RNF34: variants seen among roughly 807,000 people sequenced by gnomAD.
RNF34 encodes the protein ring finger protein 34, also known as E3 ubiquitin-protein ligase RNF34.
In RNF34, 12 loss-of-function variants were observed where a neutral mutation model predicts 37.9. The observed-to-expected ratio is 0.32, with a 90% CI of 0.20 to 0.51. The LOEUF (loss-of-function observed/expected upper bound fraction) is 0.51. Ranked by LOEUF, RNF34 falls within the 20% of genes least tolerant of loss-of-function variation. The pLI is 0.97. For synonymous variants in RNF34, 155 were observed against 177.2 expected (o/e 0.87, Z 1.00); for missense variants, 362 against 472.7 (o/e 0.77, Z 2.17).
Position 121,420,579 on chromosome 12 carries a change from C to A in RNF34, c.729C>A (p.Asn243Lys), listed in dbSNP as rs1555283140. The change falls in exon 5 of 6, where the codon AAC becomes AAA. Residue 243 changes from asparagine to lysine, a missense_variant and splice_region_variant. Physicochemically the swap from Asn to Lys is moderately conservative, Grantham distance 94. Coordinates refer to ENST00000361234, the MANE Select transcript of RNF34 (RefSeq NM_025126.4). ...TAATGGATGCTCTGTGGTTTCAGAA[C>A]CCCGGGCTCTCCAAGGAGAGAGTGA... ...DDEEENAEDRNPGLSKERVRA... is the reference protein window; with the variant it reads ...DDEEENAEDRKPGLSKERVRA... 1.2e-6 allele frequency: 2 copies of A among 1,613,972 alleles called. No homozygotes were observed. Among genetic ancestry groups the A allele is most frequent in the South Asian group, 1.1e-5 (1 of 91,074 alleles).
chr12:121,409,829 C>G (rs1870876803), intron 1 of RNF34: 1 of 152,238 alleles, frequency 6.6e-6, no homozygotes, highest in South Asian at 2.1e-4. Context: ...GTGGGTGTTA[C>G]CTGGCACTTC....
At chr12:121,415,556 C>A (rs1385420092) in intron 1 of RNF34, among the ~76,000 whole-genome samples, 1 of 152,184 alleles carries the variant, frequency 6.6e-6, no homozygotes, top group East Asian at 1.9e-4. Flanking sequence ...GTGGAGGTTG[C>A]AGTGAGCCGA....
chr12:121,411,567 T>C (rs1871064151), intron 1 of RNF34, among the ~76,000 whole-genome samples: 1 of 152,208 alleles, frequency 6.6e-6, no homozygotes, highest in Admixed American at 6.5e-5. Context: ...AGTGCTGCTT[T>C]TAAAAAGGGG....
rs782642706 is a variant in RNF34 at position 121,420,609 on chromosome 12, T to G, written c.759T>G (p.Ala253=). 1.9e-6 allele frequency: 3 copies of G among 1,614,140 alleles called. No homozygotes were observed. Among genetic ancestry groups the G allele is most frequent in the Admixed American group, 1.7e-5 (1 of 60,004 alleles). The change falls in exon 5 of 6, where the codon GCT becomes GCG. Residue 253 remains alanine, a synonymous_variant. Transcript: ENST00000361234. The part of the protein sequence containing the change: ...NPGLSKERVR[A]SLSDLSSLDD... ...GGCTCTCCAAGGAGAGAGTGAGAGC[T>G]TCACTGTCTGACTTGTCAAGCCTTG...
At chr12:121,421,946 T>G (rs781828156) in intron 5 of RNF34, among the ~76,000 whole-genome samples, 2 of 152,184 alleles carry the variant, frequency 1.3e-5, no homozygotes, top group Non-Finnish European at 2.9e-5. Flanking sequence ...ATGCACAAAA[T>G]ATTTTGGCAA....
At chr12:121,418,926 C>G (rs57222350) in intron 3 of RNF34, among the ~76,000 whole-genome samples, 1 of 152,140 alleles carries the variant, frequency 6.6e-6, no homozygotes. Flanking sequence ...AGGCTGGTCT[C>G]GAATACCTGA....
Position 121,423,879 on chromosome 12 carries a change from A to G in RNF34, c.*303A>G. 3.2e-6 allele frequency: 1 copy of G among 308,250 alleles called. No individual in the cohort carries two copies. The highest frequency in any genetic ancestry group is 6.1e-6 in the Non-Finnish European group (1 of 164,582). 19.1% of individuals were successfully genotyped at this position (308,250 alleles called of 1,614,324 possible). ...CATCAGCCACTGCTGTCTTGGGAGG[A>G]CACTTATCCTGTTCTCTTATTTCCC... On this transcript the variant is annotated 3_prime_UTR_variant, in exon 6 of 6. Coordinates refer to ENST00000361234, the MANE Select transcript of RNF34 (RefSeq NM_025126.4). This position sits in a 1 kb window ranked among gnomAD's most constrained non-coding sequence, Gnocchi z 4.3.
At chr12:121,414,798 G>A (rs1159773953) in intron 1 of RNF34, among the ~76,000 whole-genome samples, 2 of 152,022 alleles carry the variant, frequency 1.3e-5, no homozygotes, top group Admixed American at 6.6e-5. Context: ...TTTGGCCCTC[G>A]CTGAAAGCTG....
intron 1 of RNF34, among the ~76,000 whole-genome samples, chr12:121,413,524 G>GGGATTCT (rs1302304142): frequency 2.0e-5 from 3 of 148,196 alleles, no homozygotes; most frequent in South Asian, 2.2e-4. Context: ...CGATTCTCCT[G>GGGATTCT]CCTCAGCCTC....
At chr12:121,401,788 T>C (rs1870022017) in intron 1 of RNF34, among the ~76,000 whole-genome samples, 1 of 152,220 alleles carries the variant, frequency 6.6e-6, no homozygotes, top group Non-Finnish European at 1.5e-5. Flanking sequence ...TGGAAGGTAC[T>C]ACTTTCTAAG....
At chr12:121,413,060 C>CT in intron 1 of RNF34, among the ~76,000 whole-genome samples, 1 of 147,062 alleles carries the variant, frequency 6.8e-6, no homozygotes, top group East Asian at 2.0e-4. Context: ...GAGTCTCACT[C>CT]TGTCACCCAA....
At chr12:121,400,262 A>G (rs781810169) in intron 1 of RNF34, 44 bp downstream of exon 1, 4 of 1,601,328 alleles carry the variant, frequency 2.5e-6, no homozygotes, top group Admixed American at 1.7e-5. Flanking sequence ...CGCCAATCCT[A>G]TCCTGCCAGG....
intron 1 of RNF34, chr12:121,402,858 C>T: frequency 7.3e-7 from 1 of 1,368,322 alleles, no homozygotes; most frequent in Non-Finnish European, 1.0e-6. Flanking sequence ...ATCAGTTTGG[C>T]CAATGTCTTG....
rs531162515 is a variant in RNF34 at position 121,423,774 on chromosome 12, G to A, written c.*198G>A. 2.2e-5 allele frequency: 12 copies of A among 551,862 alleles called. No homozygotes were observed. The highest frequency in any genetic ancestry group is 9.3e-5 in the South Asian group (4 of 42,832). 34.2% of individuals were successfully genotyped at this position (551,862 alleles called of 1,614,324 possible). A position where few individuals can be genotyped will look rare whatever the true frequency, so the allele number is the denominator to read the frequency against. ...CGTGAGCCTGTCTGCCTGTGGACAC[G>A]TGAGCTTCCCGGGCTCAGCTGGGCT... On this transcript the variant is annotated 3_prime_UTR_variant, in exon 6 of 6. Transcript: ENST00000361234. This position sits in a 1 kb window ranked among gnomAD's most constrained non-coding sequence, Gnocchi z 4.3.
chr12:121,401,353 T>TAAAAAAA (rs146824763), intron 1 of RNF34, among the ~76,000 whole-genome samples: 2 of 20,088 alleles, frequency 1.0e-4, no homozygotes, highest in African/African-American at 1.9e-4. Context: ...GCTATAGGTA[T>TAAAAAAA]CAAAAAAAAA....
chr12:121,416,147 G>A lies in RNF34; in HGVS notation c.7-12G>A. 4 of 1,611,230 alleles carry A rather than the reference G, an allele frequency of 2.5e-6. No homozygotes were observed. Among genetic ancestry groups the A allele is most frequent in the Non-Finnish European group, 3.4e-6 (4 of 1,177,724 alleles). On this transcript the variant is annotated splice_polypyrimidine_tract_variant and intron_variant, in intron 1 of 5. Coordinates refer to ENST00000361234, the MANE Select transcript of RNF34 (RefSeq NM_025126.4). ...CTTAGCTTTAAACTGTGGGATTTGT[G>A]TTCCTTTTTAGGCGGGTGCCACGTC...
chr12:121,407,583 G>A (rs1870668208), intron 1 of RNF34, among the ~76,000 whole-genome samples: 1 of 152,214 alleles, frequency 6.6e-6, no homozygotes, highest in Non-Finnish European at 1.5e-5. Flanking sequence ...CAGGAATTGA[G>A]TTTTCTCAAA....
At chr12:121,400,252 C>A in intron 1 of RNF34, 34 bp downstream of exon 1, 2 of 1,605,078 alleles carry the variant, frequency 1.2e-6, no homozygotes, top group Non-Finnish European at 8.5e-7. Context: ...AGACCCTCCT[C>A]GCCAATCCTA....
chr12:121,420,530 G>A (rs1555283127), intron 4 of RNF34, 47 bp from the exon 5 acceptor site: 1 of 1,597,152 alleles, frequency 6.3e-7, no homozygotes, highest in Admixed American at 1.7e-5. Flanking sequence ...GAGTGGGGAG[G>A]GTCTGGACTT....
Sources: allele counts gnomAD v4.1 joint callset (sites outside exome capture counted in the v4.1 genomes callset), GRCh38; gene constraint gnomAD v4.1.1; non-coding constraint Gnocchi (gnomAD v3.1); transcripts MANE v1.5; gene names NCBI Gene and HGNC (gene_info 2026-07-23, HGNC 2026-07-21).